GMDS: variants seen among roughly 807,000 people sequenced by gnomAD.
GMDS encodes the protein GDP-mannose 4,6-dehydratase.
In GMDS, 20 loss-of-function variants were observed where a neutral mutation model predicts 49.9. The observed-to-expected ratio is 0.40, with a 90% CI of 0.28 to 0.58. GMDS has a LOEUF of 0.58. GMDS is among the 20% of genes least tolerant of loss of function. The pLI, the probability that GMDS is intolerant of heterozygous loss-of-function variation, is 0.42. For missense variants in GMDS, 362 were observed against 481.4 expected (o/e 0.75, Z 2.32); for synonymous variants, 177 against 178.6 (o/e 0.99, Z 0.07).
At chr6:1,736,859 G>A (rs1767017490) in intron 8 of GMDS, among the ~76,000 whole-genome samples, 1 of 152,184 alleles carries the variant, frequency 6.6e-6, no homozygotes, top group Non-Finnish European at 1.5e-5. Flanking sequence ...CTCTCCCACA[G>A]TGAGTTTGAC....
intron 9 of GMDS, among the ~76,000 whole-genome samples, chr6:1,717,165 A>C (rs971038116): frequency 1.3e-5 from 2 of 152,120 alleles, no homozygotes; most frequent in Non-Finnish European, 2.9e-5. Flanking sequence ...GCTCAGTGGG[A>C]CTCCATTTGG....
At chr6:1,761,094 T>C (rs1435069813) in intron 7 of GMDS, among the ~76,000 whole-genome samples, 1 of 152,170 alleles carries the variant, frequency 6.6e-6, no homozygotes, top group Non-Finnish European at 1.5e-5. Context: ...TCCCCTTCCA[T>C]GGAAGGGCCT....
At chr6:1,993,904 T>A (rs1046094930) in intron 4 of GMDS, among the ~76,000 whole-genome samples, 1 of 152,178 alleles carries the variant, frequency 6.6e-6, no homozygotes, top group African/African-American at 2.4e-5. Flanking sequence ...CACGGGACGG[T>A]GATGAGAGGT....
chr6:2,045,052 A>G (rs950766513), intron 4 of GMDS, among the ~76,000 whole-genome samples: 1 of 152,286 alleles, frequency 6.6e-6, no homozygotes, highest in Non-Finnish European at 1.5e-5. Flanking sequence ...CTTTGTTTTC[A>G]CAATTGTTAC....
At chr6:1,717,160 G>A (rs1226022381) in intron 9 of GMDS, among the ~76,000 whole-genome samples, 6 of 152,224 alleles carry the variant, frequency 3.9e-5, no homozygotes, top group Non-Finnish European at 2.9e-5. Context: ...ATTTAGCTCA[G>A]TGGGACTCCA....
chr6:1,864,179 T>C (rs1265746558), intron 7 of GMDS, among the ~76,000 whole-genome samples: 1 of 152,178 alleles, frequency 6.6e-6, no homozygotes, highest in Non-Finnish European at 1.5e-5. Flanking sequence ...TTATTAGCAT[T>C]ACTACATAAA....
chr6:1,804,311 A>G, intron 7 of GMDS, among the ~76,000 whole-genome samples: 1 of 152,240 alleles, frequency 6.6e-6, no homozygotes, highest in East Asian at 1.9e-4. Flanking sequence ...GCTTGGTTCT[A>G]AAGAGGCCGT....
intron 4 of GMDS, among the ~76,000 whole-genome samples, chr6:1,976,499 G>A (rs1284027743): frequency 1.3e-5 from 2 of 152,184 alleles, no homozygotes; most frequent in African/African-American, 4.8e-5. Flanking sequence ...AAGATCCTCA[G>A]AGAAGACAGT....
rs1338681227 is a variant in GMDS, at chr6:1,705,290, G to A, written c.987+21126C>T. ...GCTTGGAGTTGAGATGTTTTGGCTC[G>A]TAGAGACACAAGGTGATGGGCACAA... On this transcript the variant is annotated intron_variant, in intron 9 of 10. Coordinates refer to ENST00000380815, the MANE Select transcript of GMDS (RefSeq NM_001500.4). Among the ~76,000 whole-genome samples the A allele has an allele frequency of 5.9e-5, 9 of 152,324 alleles. 1 individual carries two copies. The highest frequency in any genetic ancestry group is 3.9e-4 in the East Asian group (2 of 5,186).
chr6:1,872,044 G>GACAA (rs1276652321), intron 7 of GMDS, among the ~76,000 whole-genome samples: 2 of 152,136 alleles, frequency 1.3e-5, no homozygotes, highest in African/African-American at 4.8e-5. Context: ...CCTATTACTG[G>GACAA]ACAATTACTT....
At chr6:2,063,404 G>A (rs1310121338) in intron 4 of GMDS, among the ~76,000 whole-genome samples, 1 of 152,164 alleles carries the variant, frequency 6.6e-6, no homozygotes, top group Non-Finnish European at 1.5e-5. Flanking sequence ...GACATTCTGT[G>A]TGTGTCCAAA....
At chr6:1,724,445 T>A (rs1340024227) in intron 9 of GMDS, among the ~76,000 whole-genome samples, 1 of 152,218 alleles carries the variant, frequency 6.6e-6, no homozygotes, top group Non-Finnish European at 1.5e-5. Context: ...TTGTTCTGTG[T>A]CCTTATCAAT....
chr6:2,106,810 C>T (rs77532702), intron 4 of GMDS, among the ~76,000 whole-genome samples: 3,432 of 150,360 alleles, frequency 0.023, 75 homozygotes, highest in South Asian at 0.078. Context: ...TTGCAGTGAG[C>T]CAATATGGTG....
intron 1 of GMDS, among the ~76,000 whole-genome samples, chr6:2,141,707 A>G (rs1776296044): frequency 6.6e-6 from 1 of 152,182 alleles, no homozygotes; most frequent in African/African-American, 2.4e-5. Flanking sequence ...AGGAAAGGTG[A>G]CCAGGTAGGC....
intron 1 of GMDS, among the ~76,000 whole-genome samples, chr6:2,171,496 T>G (rs1269105301): frequency 1.3e-5 from 2 of 152,168 alleles, no homozygotes; most frequent in African/African-American, 4.8e-5. Context: ...TGCAATTAAC[T>G]GAGTGGAGAA....
chr6:1,819,009 C>T (rs1770781798), intron 7 of GMDS, among the ~76,000 whole-genome samples: 1 of 152,050 alleles, frequency 6.6e-6, no homozygotes, highest in African/African-American at 2.4e-5. Context: ...GGTATTTACA[C>T]ATATATATTT....
In GMDS at chr6:1,913,863, TG is replaced by T. The variant is rs377021098; in HGVS notation, c.771+16239del. 5.5e-3 allele frequency among the ~76,000 whole-genome samples: 844 copies of T among 152,214 alleles called. 4 individuals are homozygous for T. The highest frequency in any genetic ancestry group is 0.02 in the African/African-American group (819 of 41,522). On this transcript the variant is annotated intron_variant, in intron 7 of 10. Transcript: ENST00000380815. ...TAGGTCAAACATAAAAATGCAGATATGGTAAAGCGGAAAGCTAACAGGAAGA... is the reference window on the plus strand; with the variant it reads ...TAGGTCAAACATAAAAATGCAGATATGTAAAGCGGAAAGCTAACAGGAAGA...
At chr6:1,805,897 T>C (rs977465038) in intron 7 of GMDS, among the ~76,000 whole-genome samples, 1 of 152,198 alleles carries the variant, frequency 6.6e-6, no homozygotes, top group Non-Finnish European at 1.5e-5. Context: ...ATAAGGTATT[T>C]AGGTTGTTTC....
intron 9 of GMDS, among the ~76,000 whole-genome samples, chr6:1,720,240 A>T (rs1286549133): frequency 6.6e-6 from 1 of 152,176 alleles, no homozygotes; most frequent in Non-Finnish European, 1.5e-5. Context: ...GGGGGAGAGC[A>T]ACCGAGGAAA....
Sources: gnomAD v4.1 joint callset for allele counts (sites outside exome capture counted in the v4.1 genomes callset) on GRCh38, gnomAD v4.1.1 for gene constraint, MANE v1.5 for transcripts, NCBI Gene and HGNC (gene_info 2026-07-23, HGNC 2026-07-21) for gene names.